The following RGPD2 variants were observed in gnomAD, a reference collection of about 807,000 sequenced individuals.
RGPD2 encodes RANBP2 like and GRIP domain containing 2, also known as RANBP2-like and GRIP domain-containing protein 2.
In RGPD2, 2 loss-of-function variants were observed where a neutral mutation model predicts 36.0. That is an observed-to-expected ratio of 0.06 (90% CI 0.02 to 0.17). RGPD2 has a LOEUF of 0.17. Among genes scored for constraint, RGPD2 ranks in the 10% least tolerant of loss-of-function variants. The probability of loss-of-function intolerance (pLI) is 1.00; values close to 1 mark genes in which losing one functional copy is unlikely to be tolerated. For synonymous variants in RGPD2, 19 were observed against 163.8 expected (o/e 0.12, Z 6.75); for missense variants, 40 against 464.3 (o/e 0.09, Z 8.40).
chr2:87,839,163 G>A, the RGPD2 span, among the ~76,000 whole-genome samples: 2 of 151,362 alleles, frequency 1.3e-5, no homozygotes, highest in East Asian at 2.0e-4. Context: ...TAAGACACTT[G>A]AACAAATTAA....
intron 1 of RGPD2, chr2:87,825,055 A>T: frequency 2.7e-6 from 1 of 371,942 alleles, no homozygotes; most frequent in Non-Finnish European, 4.8e-6. Flanking sequence ...TACCCCCCTC[A>T]CCAAAGCCCA....
At chr2:87,832,056 AAATTTGT>A in the RGPD2 span, among the ~76,000 whole-genome samples, 1 of 145,854 alleles carries the variant, frequency 6.9e-6, no homozygotes, top group African/African-American at 2.5e-5. Context: ...ATGCTTTGTA[AAATTTGT>A]GCAGTTTTAT....
the RGPD2 span, among the ~76,000 whole-genome samples, chr2:87,858,137 G>C: frequency 6.6e-6 from 1 of 152,144 alleles, no homozygotes; most frequent in Non-Finnish European, 1.5e-5. Context: ...ACTCAGACAG[G>C]CATGGTGGTG....
At chr2:87,927,712 GA>G in the RGPD2 span, among the ~76,000 whole-genome samples, 91 of 144,628 alleles carry the variant, frequency 6.3e-4, no homozygotes, top group Middle Eastern at 3.5e-3. Flanking sequence ...TCTGTCTTTG[GA>G]AAAAAAAAAT....
the RGPD2 span, among the ~76,000 whole-genome samples, chr2:87,982,926 T>TC: frequency 2.7e-5 from 2 of 73,718 alleles, no homozygotes; most frequent in African/African-American, 9.6e-5. Flanking sequence ...ACATGCTTTT[T>TC]CATAATGTAG....
the RGPD2 span, among the ~76,000 whole-genome samples, chr2:87,982,218 CCTT>C: frequency 0.028 from 979 of 34,746 alleles, 156 homozygotes; most frequent in African/African-American, 0.047. Context: ...GGACCCTTAC[CCTT>C]CATCTATCAT....
At chr2:87,829,451 T>A (rs1465934201), upstream of RGPD2, among the ~76,000 whole-genome samples, 2 of 151,432 alleles carry the variant, frequency 1.3e-5, no homozygotes, top group African/African-American at 4.9e-5. Flanking sequence ...TTGTATTAGT[T>A]TGTTCTCACA....
At chr2:87,824,025 A>AT (rs1429422093) in intron 1 of RGPD2, among the ~76,000 whole-genome samples, 3 of 142,982 alleles carry the variant, frequency 2.1e-5, no homozygotes, top group South Asian at 4.7e-4. Flanking sequence ...ATATTTTTTT[A>AT]TTTTTTTATT....
At chr2:87,915,357 T>A in the RGPD2 span, among the ~76,000 whole-genome samples, 4 of 116,482 alleles carry the variant, frequency 3.4e-5, no homozygotes, top group East Asian at 2.3e-4. Context: ...ATTATATATA[T>A]TATATATATA....
chr2:87,875,264 G>C, the RGPD2 span, among the ~76,000 whole-genome samples: 1 of 152,146 alleles, frequency 6.6e-6, no homozygotes, highest in African/African-American at 2.4e-5. Flanking sequence ...GTAAGAGAGG[G>C]TGTGCTTGTT....
chr2:87,921,417 A>T, the RGPD2 span, among the ~76,000 whole-genome samples: 1 of 152,216 alleles, frequency 6.6e-6, no homozygotes, highest in Non-Finnish European at 1.5e-5. Context: ...AACAGCCAAG[A>T]TTGAGAACAC....
the RGPD2 span, among the ~76,000 whole-genome samples, chr2:87,881,856 A>AT: frequency 3.9e-5 from 6 of 152,204 alleles, no homozygotes; most frequent in African/African-American, 9.7e-5. Context: ...ACTAGGTTTT[A>AT]TTGCCTCATG....
chr2:87,857,040 C>T, the RGPD2 span, among the ~76,000 whole-genome samples: 1 of 152,192 alleles, frequency 6.6e-6, no homozygotes, highest in South Asian at 2.1e-4. Context: ...TTGAAAGACC[C>T]AAAGTCAAAG....
chr2:87,825,108 C>G, intron 1 of RGPD2: 1 of 388,776 alleles, frequency 2.6e-6, no homozygotes, highest in Non-Finnish European at 4.5e-6. Context: ...CCAAAGTGAA[C>G]GAAAATCTGT....
At chr2:87,923,458 G>A in the RGPD2 span, among the ~76,000 whole-genome samples, 3 of 152,212 alleles carry the variant, frequency 2.0e-5, no homozygotes, top group African/African-American at 7.2e-5. Context: ...TACTGTGATA[G>A]TTACATAACT....
the RGPD2 span, among the ~76,000 whole-genome samples, chr2:87,879,327 T>C: frequency 4.6e-5 from 7 of 152,138 alleles, no homozygotes; most frequent in Admixed American, 1.3e-4. Context: ...GATTTTAAAA[T>C]GTATAATTAA....
At chr2:87,975,362 GT>G in the RGPD2 span, among the ~76,000 whole-genome samples, 15 of 140,580 alleles carry the variant, frequency 1.1e-4, no homozygotes, top group African/African-American at 3.4e-4. Flanking sequence ...ATTACAGCAA[GT>G]TTTTTTCTTT....
chr2:87,983,766 C>T, the RGPD2 span, among the ~76,000 whole-genome samples: 3,578 of 147,690 alleles, frequency 0.024, 32 homozygotes, highest in Non-Finnish European at 0.035. Context: ...CACGTCTTGT[C>T]GGAGGGAAAG....
At chr2:87,986,096 C>A in the RGPD2 span, among the ~76,000 whole-genome samples, 1 of 148,450 alleles carries the variant, frequency 6.7e-6, no homozygotes, top group African/African-American at 2.5e-5. Context: ...CTAAAACCAA[C>A]TACTGAATTC....
Sources: gnomAD v4.1 joint callset for allele counts (sites outside exome capture counted in the v4.1 genomes callset) on GRCh38, gnomAD v4.1.1 for gene constraint, MANE v1.5 for transcripts, NCBI Gene and HGNC (gene_info 2026-07-23, HGNC 2026-07-21) for gene names.